Variants in AFG2A observed in about 807,000 individuals in gnomAD.
AFG2A encodes ATPase family gene 2 protein homolog A.
chr4:123,203,045 A>T, the AFG2A span, among the ~76,000 whole-genome samples: 2 of 152,120 alleles, frequency 1.3e-5, no homozygotes. Flanking sequence ...ATAAATCAAA[A>T]TGTCACATAA....
At chr4:122,929,638 G>A in the AFG2A span, among the ~76,000 whole-genome samples, 1 of 152,220 alleles carries the variant, frequency 6.6e-6, no homozygotes, top group East Asian at 1.9e-4. Context: ...GGTGGAGATT[G>A]CAGTGAGCTG....
At chr4:123,286,803 C>T in the AFG2A span, among the ~76,000 whole-genome samples, 13 of 151,734 alleles carry the variant, frequency 8.6e-5, no homozygotes, top group African/African-American at 3.1e-4. Flanking sequence ...TGTGCTATTC[C>T]GATCTGAACT....
the AFG2A span, among the ~76,000 whole-genome samples, chr4:123,308,285 A>G: frequency 6.6e-6 from 1 of 152,220 alleles, no homozygotes; most frequent in East Asian, 1.9e-4. Context: ...ACATCACAGT[A>G]TTAAACAATT....
the AFG2A span, among the ~76,000 whole-genome samples, chr4:123,241,003 A>G: frequency 3.9e-5 from 6 of 152,202 alleles, no homozygotes; most frequent in Non-Finnish European, 7.4e-5. Context: ...TACTATAAAC[A>G]CCTTTACTCA....
At chr4:123,111,729 CTTCTTA>C in the AFG2A span, among the ~76,000 whole-genome samples, 61 of 150,892 alleles carry the variant, frequency 4.0e-4, 1 homozygote, top group African/African-American at 9.2e-4. Flanking sequence ...TCTTCTTCTT[CTTCTTA>C]TTATTATTAT....
the AFG2A span, among the ~76,000 whole-genome samples, chr4:123,201,833 G>T: frequency 4.5e-3 from 681 of 152,196 alleles, 8 homozygotes; most frequent in African/African-American, 0.016. Context: ...GAGGTGGGAA[G>T]ACCATCTGAG....
the AFG2A span, among the ~76,000 whole-genome samples, chr4:123,134,766 T>C: frequency 6.6e-6 from 1 of 152,086 alleles, no homozygotes; most frequent in African/African-American, 2.4e-5. Context: ...ACTCAGTAAG[T>C]AGAAGTCTGT....
the AFG2A span, among the ~76,000 whole-genome samples, chr4:122,927,445 T>TA: frequency 6.6e-6 from 1 of 152,226 alleles, no homozygotes; most frequent in Middle Eastern, 3.2e-3. Flanking sequence ...ATGTTGCCAG[T>TA]AGACCCTCAA....
the AFG2A span, among the ~76,000 whole-genome samples, chr4:123,058,462 T>C: frequency 6.6e-6 from 1 of 152,156 alleles, no homozygotes; most frequent in African/African-American, 2.4e-5. Flanking sequence ...CTGTCTCTAC[T>C]AAAAATATAG....
the AFG2A span, among the ~76,000 whole-genome samples, chr4:123,150,236 A>C: frequency 6.6e-6 from 1 of 152,174 alleles, no homozygotes; most frequent in Non-Finnish European, 1.5e-5. Flanking sequence ...GCCCTCTCTC[A>C]CCACTCCTGT....
the AFG2A span, among the ~76,000 whole-genome samples, chr4:123,237,590 T>A: frequency 1.4e-5 from 2 of 147,498 alleles, no homozygotes; most frequent in African/African-American, 5.1e-5. Flanking sequence ...TGAGAATCGC[T>A]TGAACCTAGG....
chr4:123,167,599 G>C, the AFG2A span, among the ~76,000 whole-genome samples: 3 of 152,020 alleles, frequency 2.0e-5, no homozygotes, highest in Non-Finnish European at 4.4e-5. Flanking sequence ...CACCCACCTC[G>C]GCCTCCCAAA....
At chr4:123,260,344 A>T in the AFG2A span, among the ~76,000 whole-genome samples, 1 of 152,282 alleles carries the variant, frequency 6.6e-6, no homozygotes, top group South Asian at 2.1e-4. Flanking sequence ...CATGCCCTGA[A>T]TTCTGTTTTG....
chr4:123,122,887 CT>C, the AFG2A span, among the ~76,000 whole-genome samples: 3 of 151,348 alleles, frequency 2.0e-5, no homozygotes, highest in Non-Finnish European at 2.9e-5. Flanking sequence ...TAAAAATGTG[CT>C]TTGTATTTTA....
the AFG2A span, among the ~76,000 whole-genome samples, chr4:123,132,314 T>C: frequency 1.1e-4 from 17 of 152,138 alleles, no homozygotes; most frequent in African/African-American, 3.6e-4. Flanking sequence ...GTCCCAACCA[T>C]TCTATTCTCT....
the AFG2A span, among the ~76,000 whole-genome samples, chr4:123,269,899 C>G: frequency 1.3e-5 from 2 of 151,244 alleles, no homozygotes; most frequent in African/African-American, 4.8e-5. Context: ...TCACGGCAAC[C>G]TCTGCCTCCC....
the AFG2A span, among the ~76,000 whole-genome samples, chr4:123,177,393 G>A: frequency 2.0e-5 from 3 of 151,862 alleles, no homozygotes; most frequent in Non-Finnish European, 2.9e-5. Context: ...GGGTTTCACC[G>A]TGTTGGCTGG....
chr4:122,924,117 A>G, the AFG2A span, among the ~76,000 whole-genome samples: 1 of 152,222 alleles, frequency 6.6e-6, no homozygotes, highest in African/African-American at 2.4e-5. Flanking sequence ...TAGAGTTCAC[A>G]TGGTATTTTC....
the AFG2A span, chr4:122,928,914 C>A: frequency 8.3e-7 from 1 of 1,209,356 alleles, no homozygotes; most frequent in Non-Finnish European, 1.1e-6. Context: ...GATTGTAACT[C>A]TTTTTGGGTA....
Sources: allele counts gnomAD v4.1 joint callset (sites outside exome capture counted in the v4.1 genomes callset), GRCh38; gene constraint gnomAD v4.1.1; transcripts MANE v1.5; gene names NCBI Gene and HGNC (gene_info 2026-07-23, HGNC 2026-07-21).